The following MYH15 variants were observed in gnomAD, a reference collection of about 807,000 sequenced individuals.
MYH15 encodes the protein myosin-15.
In MYH15, 227 loss-of-function variants were observed where a neutral mutation model predicts 240.5. That is an observed-to-expected ratio of 0.94 (90% CI 0.85 to 1.05). The LOEUF (loss-of-function observed/expected upper bound fraction) is 1.05, where lower values mean the gene tolerates loss of function less well. Ranked by LOEUF, MYH15 falls within the 50% of genes least tolerant of loss-of-function variation. The pLI, the probability that MYH15 is intolerant of heterozygous loss-of-function variation, is 0.00. For missense variants in MYH15, 2,217 were observed against 2,247.5 expected (o/e 0.99, Z 0.27); for synonymous variants, 785 against 796.7 (o/e 0.99, Z 0.25).
rs1159502587 is a variant in MYH15 at position 108,427,641 on chromosome 3, G to C, written c.3702+851C>G. 2.1e-3 allele frequency among the ~76,000 whole-genome samples: 313 copies of C among 147,880 alleles called. 1 individual carries two copies. The highest frequency in any genetic ancestry group is 7.4e-3 in the African/African-American group (291 of 39,446). On this transcript the variant is annotated intron_variant, in intron 27 of 40. Transcript: ENST00000693548. The stretch of plus-strand genomic sequence containing the variant: ...CAACACACACACACACACACAGAGA[G>C]AGAGAGAGAGAGAGAAAGAGAGAGA...
chr3:108,489,127 G>C (rs985605062), intron 9 of MYH15, among the ~76,000 whole-genome samples: 1 of 152,144 alleles, frequency 6.6e-6, no homozygotes, highest in African/African-American at 2.4e-5. Flanking sequence ...TCTTGCTATT[G>C]AGTTGAGTTC....
At chr3:108,492,739 G>C in intron 8 of MYH15, 144 bp from the exon 9 acceptor site, 1 of 616,792 alleles carries the variant, frequency 1.6e-6, no homozygotes, top group Non-Finnish European at 2.8e-6. Flanking sequence ...TTGAGGCCAG[G>C]AGTTTGAAAA....
intron 16 of MYH15, among the ~76,000 whole-genome samples, 179 bp downstream of exon 16, chr3:108,462,932 T>A (rs1576248751): frequency 6.6e-6 from 1 of 152,138 alleles, no homozygotes. Context: ...CTTAGAGCAC[T>A]AGTACCATCT....
intron 25 of MYH15, among the ~76,000 whole-genome samples, chr3:108,434,494 C>T (rs1280276240): frequency 1.3e-5 from 2 of 151,610 alleles, no homozygotes; most frequent in African/African-American, 4.8e-5. Flanking sequence ...AGAATGTATT[C>T]TTATCAATAT....
In MYH15 at chr3:108,453,990, G is replaced by GAAAA. The variant is rs755901356; in HGVS notation, c.2399+15_2399+16insTTTT. The GAAAA allele has an allele frequency of 3.7e-5, 60 of 1,606,510 alleles. 1 individual carries two copies. In the Admixed American group the frequency reaches 9.9e-4, roughly 26 times the overall value. On this transcript the variant is annotated intron_variant, in intron 21 of 40. Transcript: ENST00000693548. ...TATTACCCTAGCAGTTGGGGAGCAGGGTGGGCATATAATACCTTTCTTCCA... is the reference window on the plus strand; with the variant it reads ...TATTACCCTAGCAGTTGGGGAGCAGGAAAAGTGGGCATATAATACCTTTCTTCCA...
rs1041739927 is a variant in MYH15 at position 108,410,470 on chromosome 3, G to A, written c.4495+113C>T. ...TAAGTCAAACAGAAGTATAAAAATT[G>A]AAAAGTTAAAACATGTTGGGAATGT... On this transcript the variant is annotated intron_variant, in intron 31 of 40. Transcript: ENST00000693548. 5 of 657,076 alleles carry A rather than the reference G, an allele frequency of 7.6e-6. No homozygotes were observed. The African/African-American group carries it at 9.0e-5, about 12-fold the overall frequency. The allele number at this position is 657,076 out of a possible 1,614,324, so 40.7% of individuals were successfully genotyped here.
chr3:108,394,848 T>G (rs1176651561), intron 35 of MYH15, among the ~76,000 whole-genome samples: 1 of 152,238 alleles, frequency 6.6e-6, no homozygotes, highest in African/African-American at 2.4e-5. Flanking sequence ...GTGTGAAAAC[T>G]CGCAGTGTAT....
intron 35 of MYH15, among the ~76,000 whole-genome samples, chr3:108,395,872 G>C (rs1460427549): frequency 1.3e-5 from 2 of 152,096 alleles, no homozygotes; most frequent in Non-Finnish European, 2.9e-5. Context: ...CCGCAGCATG[G>C]TTTAGGTTGG....
chr3:108,524,074 G>A (rs1296181420), intron 1 of MYH15, among the ~76,000 whole-genome samples: 1 of 151,784 alleles, frequency 6.6e-6, no homozygotes, highest in Non-Finnish European at 1.5e-5. Context: ...CCTAGGAGTG[G>A]GAATGTTAAG....
the MYH15 span, among the ~76,000 whole-genome samples, chr3:108,539,616 T>C: frequency 2.0e-4 from 30 of 152,240 alleles, no homozygotes; most frequent in Non-Finnish European, 4.0e-4. Context: ...TAGGAAAATA[T>C]AATTTACGGG....
chr3:108,536,092 A>AC, the MYH15 span, among the ~76,000 whole-genome samples: 1 of 151,928 alleles, frequency 6.6e-6, no homozygotes, highest in Admixed American at 6.6e-5. Context: ...ACATGGAAAA[A>AC]CCCCATTTCT....
chr3:108,470,005 C>T (rs144183342), intron 14 of MYH15, 37 bp downstream of exon 14: 126 of 1,578,104 alleles, frequency 8.0e-5, no homozygotes, highest in Non-Finnish European at 1.0e-4. Flanking sequence ...ACAATTCTCC[C>T]GAAATGAAAA....
chr3:108,487,331 G>T (rs925078541), intron 9 of MYH15, among the ~76,000 whole-genome samples: 2 of 152,078 alleles, frequency 1.3e-5, no homozygotes, highest in Non-Finnish European at 2.9e-5. Context: ...CAAAGAAATT[G>T]GGCTACATAA....
intron 2 of MYH15, 105 bp downstream of exon 2, chr3:108,505,618 G>A: frequency 1.8e-6 from 1 of 542,244 alleles, no homozygotes; most frequent in Non-Finnish European, 2.9e-6. Context: ...TGAGTCAGTG[G>A]CATCTCCTAC....
At position 108,463,201 on chromosome 3, in the gene MYH15, G is replaced by T. The variant is rs768209260; in HGVS notation, c.1774C>A (p.Leu592Ile). 16 of 1,613,054 alleles carry T rather than the reference G, an allele frequency of 9.9e-6. No homozygotes were observed. The highest frequency in any genetic ancestry group is 1.4e-5 in the Non-Finnish European group (16 of 1,179,550). ...ISGWLEKNKD[L>I]LNETVVAVFQ... ...ACAGCTACCACTGTTTCATTAAGGA[G>T]GTCTTTGTTCTTTTCCAGCCAACCA... The change falls in exon 16 of 41, where the codon CTC becomes ATC. Residue 592 changes from leucine to isoleucine, a missense_variant. Physicochemically the swap from Leu to Ile is conservative, Grantham distance 5. Transcript: ENST00000693548.
upstream of MYH15, among the ~76,000 whole-genome samples, chr3:108,511,557 G>A (rs1337411184): frequency 6.6e-6 from 1 of 152,140 alleles, no homozygotes; most frequent in Non-Finnish European, 1.5e-5. Flanking sequence ...TTGATAACAG[G>A]GAGAAGAAGA....
intron 33 of MYH15, among the ~76,000 whole-genome samples, chr3:108,402,292 A>G (rs2082511498): frequency 6.6e-6 from 1 of 152,248 alleles, no homozygotes; most frequent in Non-Finnish European, 1.5e-5. Flanking sequence ...AGACAATAAA[A>G]GAAACCAAGT....
intron 39 of MYH15, among the ~76,000 whole-genome samples, chr3:108,384,486 C>T (rs555847094): frequency 6.6e-6 from 1 of 152,140 alleles, no homozygotes; most frequent in African/African-American, 2.4e-5. Flanking sequence ...GGAGAGAGCT[C>T]TGGCTTCCTG....
chr3:108,497,700 G>T (rs1003509832), intron 6 of MYH15, among the ~76,000 whole-genome samples: 5 of 152,068 alleles, frequency 3.3e-5, no homozygotes, highest in African/African-American at 7.2e-5. Flanking sequence ...TCTCACAGTA[G>T]CTAAAGGGAT....
Sources: gnomAD v4.1 joint callset for allele counts (sites outside exome capture counted in the v4.1 genomes callset) on GRCh38, gnomAD v4.1.1 for gene constraint, MANE v1.5 for transcripts, NCBI Gene and HGNC (gene_info 2026-07-23, HGNC 2026-07-21) for gene names.